Variants in RASA2 observed in about 807,000 individuals in gnomAD.
RASA2 encodes the protein RAS p21 protein activator 2.
Under a neutral mutation model 118.2 loss-of-function variants are expected in RASA2, and 155 were observed. That is an observed-to-expected ratio of 1.31 (90% CI 1.15 to 1.50). RASA2 has a LOEUF of 1.50. RASA2 is among the 40% of genes most tolerant of loss of function. RASA2 has a pLI of 0.00. For missense variants in RASA2, 1,016 were observed against 1,009.6 expected (o/e 1.01, Z -0.09); for synonymous variants, 353 against 349.1 (o/e 1.01, Z -0.12).
intron 3 of RASA2, among the ~76,000 whole-genome samples, chr3:141,518,431 T>A (rs1259667408): frequency 3.2e-5 from 4 of 125,532 alleles, no homozygotes; most frequent in African/African-American, 1.2e-4. Context: ...TGCAGTGAGC[T>A]GAGGTTGTGC....
At chr3:141,544,746 C>T (rs933380823) in intron 5 of RASA2, among the ~76,000 whole-genome samples, 8 of 152,076 alleles carry the variant, frequency 5.3e-5, no homozygotes, top group Admixed American at 2.6e-4. Flanking sequence ...ACTTAAATGG[C>T]CATCAATCGC....
intron 7 of RASA2, among the ~76,000 whole-genome samples, chr3:141,557,952 C>T (rs2082673380): frequency 6.6e-6 from 1 of 152,100 alleles, no homozygotes; most frequent in Non-Finnish European, 1.5e-5. Flanking sequence ...ATTTTAAATC[C>T]TCCAGTAGGG....
chr3:141,501,287 A>G (rs947437077), intron 1 of RASA2, among the ~76,000 whole-genome samples: 8 of 152,208 alleles, frequency 5.3e-5, no homozygotes, highest in African/African-American at 1.2e-4. Flanking sequence ...ATTTTAAACA[A>G]TGACCTCCTC....
chr3:141,586,190 C>CT (rs1233679507), intron 18 of RASA2, 92 bp downstream of exon 18: 2 of 1,225,422 alleles, frequency 1.6e-6, no homozygotes, highest in Non-Finnish European at 2.3e-6. Context: ...GGAGATCTGG[C>CT]TTTGTGTGCT....
At chr3:141,557,688 A>G (rs948050622) in intron 7 of RASA2, among the ~76,000 whole-genome samples, 2 of 152,040 alleles carry the variant, frequency 1.3e-5, no homozygotes, top group South Asian at 2.1e-4. Context: ...AGCTGGGGAG[A>G]CTGTTGTACT....
chr3:141,564,805 A>G (rs1431244199), intron 9 of RASA2, among the ~76,000 whole-genome samples: 2 of 152,196 alleles, frequency 1.3e-5, no homozygotes, highest in Non-Finnish European at 2.9e-5. Context: ...CATTATTACT[A>G]TTATCACTCT....
chr3:141,558,479 G>A (rs1006302758), intron 7 of RASA2, among the ~76,000 whole-genome samples: 1 of 152,056 alleles, frequency 6.6e-6, no homozygotes, highest in Non-Finnish European at 1.5e-5. Context: ...CGTCAGATGT[G>A]GTGATGAAGA....
At chr3:141,558,990 G>A (rs2082689703) in intron 8 of RASA2, 28 bp downstream of exon 8, 1 of 1,536,926 alleles carries the variant, frequency 6.5e-7, no homozygotes, top group Non-Finnish European at 8.9e-7. Context: ...TTACAGAATT[G>A]CTTTTTTGTA....
At chr3:141,603,237 G>A (rs1030620273) in intron 19 of RASA2, among the ~76,000 whole-genome samples, 1 of 152,100 alleles carries the variant, frequency 6.6e-6, no homozygotes, top group African/African-American at 2.4e-5. Context: ...GGGCCAATAT[G>A]TAGTTGGACA....
intron 19 of RASA2, among the ~76,000 whole-genome samples, chr3:141,587,408 G>A (rs867422917): frequency 3.9e-5 from 6 of 152,134 alleles, no homozygotes; most frequent in Admixed American, 2.0e-4. Flanking sequence ...AGTTTATTCC[G>A]TTGGGTTAAT....
At chr3:141,573,734 G>A (rs751664011) in intron 13 of RASA2, among the ~76,000 whole-genome samples, 1 of 151,976 alleles carries the variant, frequency 6.6e-6, no homozygotes, top group African/African-American at 2.4e-5. Context: ...CACCTCTTAC[G>A]CCTAGCAAAT....
chr3:141,536,315 A>G (rs1411076845), intron 4 of RASA2, among the ~76,000 whole-genome samples: 1 of 152,182 alleles, frequency 6.6e-6, no homozygotes, highest in African/African-American at 2.4e-5. Context: ...AGACTTATTC[A>G]CTATTACGAG....
At chr3:141,588,315 A>G (rs188932160) in intron 19 of RASA2, among the ~76,000 whole-genome samples, 4 of 152,364 alleles carry the variant, frequency 2.6e-5, no homozygotes, top group East Asian at 1.9e-4. Context: ...TAATTACAAC[A>G]TAGAAAACTA....
Position 141,609,533 on chromosome 3 carries a change from CA to C in RASA2, c.2329+12del. ...CTGCAGAAGATGGAAGGTAAATACA[CA>C]ATCTATTTTTATATAACCATAATCT... On this transcript the variant is annotated intron_variant, in intron 22 of 23. Coordinates refer to ENST00000286364, the MANE Select transcript of RASA2 (RefSeq NM_006506.5). 1 of 1,522,228 alleles carries C rather than the reference CA, an allele frequency of 6.6e-7. No homozygotes were observed. The highest frequency in any genetic ancestry group is 9.1e-7 in the Non-Finnish European group (1 of 1,102,412). 94.3% of individuals were successfully genotyped at this position (1,522,228 alleles called of 1,614,324 possible). A position where few individuals can be genotyped will look rare whatever the true frequency, so the allele number is the denominator to read the frequency against.
chr3:141,495,450 A>G (rs969877311), intron 1 of RASA2, among the ~76,000 whole-genome samples: 2 of 152,282 alleles, frequency 1.3e-5, no homozygotes, highest in Non-Finnish European at 2.9e-5. Flanking sequence ...ACGAATAGGC[A>G]TCTCACAGGA....
chr3:141,531,415 T>C (rs2082257296), intron 4 of RASA2, among the ~76,000 whole-genome samples: 1 of 151,712 alleles, frequency 6.6e-6, no homozygotes, highest in Non-Finnish European at 1.5e-5. Flanking sequence ...TGTGTGTATA[T>C]ATATGTGTGT....
At chr3:141,521,103 T>A (rs2082105669) in intron 3 of RASA2, among the ~76,000 whole-genome samples, 1 of 152,158 alleles carries the variant, frequency 6.6e-6, no homozygotes, top group Non-Finnish European at 1.5e-5. Context: ...ATTACCGGGG[T>A]ACATCTTAGT....
In RASA2 at chr3:141,612,268, T is replaced by C; in HGVS notation, c.2520-15T>C. ...ATTTCTTAAATTTTGAAAAATGACT[T>C]TTTTTCTTCTCTAGGGAAAATCCAA... On this transcript the variant is annotated splice_polypyrimidine_tract_variant and intron_variant, in intron 23 of 23. Transcript: ENST00000286364. 6.4e-7 allele frequency: 1 copy of C among 1,571,968 alleles called. No homozygotes were observed. The highest frequency in any genetic ancestry group is 1.1e-5 in the South Asian group (1 of 87,774).
chr3:141,521,585 C>G (rs1455771238), intron 3 of RASA2, among the ~76,000 whole-genome samples: 1 of 151,936 alleles, frequency 6.6e-6, no homozygotes, highest in South Asian at 2.1e-4. Context: ...CCAGAAGTTG[C>G]CTTTGTTTTT....
Sources: allele counts gnomAD v4.1 joint callset (sites outside exome capture counted in the v4.1 genomes callset), GRCh38; gene constraint gnomAD v4.1.1; transcripts MANE v1.5; gene names NCBI Gene and HGNC (gene_info 2026-07-23, HGNC 2026-07-21).